SETBP1: variants seen among roughly 807,000 people sequenced by gnomAD.
SETBP1 encodes SET-binding protein.
SETBP1 carries 9 observed loss-of-function variants against 101.0 expected under a neutral mutation model. The observed-to-expected ratio is 0.09, with a 90% CI of 0.05 to 0.16. The LOEUF is 0.16. Ranked by LOEUF, SETBP1 falls within the 10% of genes least tolerant of loss-of-function variation. The probability of loss-of-function intolerance (pLI) is 1.00; values close to 1 mark genes in which losing one functional copy is unlikely to be tolerated. For synonymous variants in SETBP1, 818 were observed against 788.5 expected, an observed-to-expected ratio of 1.04 and a Z score of -0.63; for missense variants, 1,858 against 2,033.8, an observed-to-expected ratio of 0.91 and a Z score of 1.66.
intron 5 of SETBP1, among the ~76,000 whole-genome samples, chr18:45,050,361 C>G (rs1214719759): frequency 2.0e-5 from 3 of 152,176 alleles, no homozygotes; most frequent in Non-Finnish European, 4.4e-5. Flanking sequence ...TGTCCTCTTT[C>G]CCCTATCCAG....
At chr18:44,784,309 T>C (rs1370240122) in intron 2 of SETBP1, among the ~76,000 whole-genome samples, 2 of 152,334 alleles carry the variant, frequency 1.3e-5, no homozygotes, top group South Asian at 4.1e-4. Flanking sequence ...TTTAGCAAGG[T>C]TGGACAAAGG....
chr18:44,909,586 C>T (rs2144873057), intron 3 of SETBP1, among the ~76,000 whole-genome samples: 1 of 152,320 alleles, frequency 6.6e-6, no homozygotes, highest in East Asian at 1.9e-4. Flanking sequence ...TTTTTCTCTT[C>T]TCCTGTCCCA....
chr18:44,685,266 T>G (rs1374371525), intron 1 of SETBP1, among the ~76,000 whole-genome samples: 1 of 152,250 alleles, frequency 6.6e-6, no homozygotes, highest in Non-Finnish European at 1.5e-5. Flanking sequence ...GAAAAATGTT[T>G]CCTTGGTCCA....
chr18:44,742,792 A>G (rs921690145), intron 2 of SETBP1, among the ~76,000 whole-genome samples: 1 of 152,118 alleles, frequency 6.6e-6, no homozygotes, highest in African/African-American at 2.4e-5. Context: ...GAGTTGATCT[A>G]TCTGAACAGG....
intron 5 of SETBP1, among the ~76,000 whole-genome samples, chr18:45,045,119 TAAAAAA>T (rs879655921): frequency 7.1e-6 from 1 of 141,444 alleles, no homozygotes; most frequent in South Asian, 2.3e-4. Context: ...CCGTCTTTAC[TAAAAAA>T]AAAAATAAAA....
chr18:45,015,496 C>G (rs1200767787), intron 4 of SETBP1, among the ~76,000 whole-genome samples: 1 of 152,198 alleles, frequency 6.6e-6, no homozygotes, highest in South Asian at 2.1e-4. Flanking sequence ...TAAAATACAA[C>G]AGACATGCAC....
chr18:44,754,409 C>T lies in SETBP1; in HGVS notation c.486+52577C>T, dbSNP rs141135373. ...TGCTAAGTTGATTTTGGATTGGCAT[C>T]CCAGAATGTGGAGATTATTTCAAAT... On this transcript the variant is annotated intron_variant, in intron 2 of 5. Transcript: ENST00000649279. Among the ~76,000 whole-genome samples the T allele has an allele frequency of 2.4e-4, 37 of 152,238 alleles. 1 individual carries two copies. The highest frequency in any genetic ancestry group is 8.7e-4 in the African/African-American group (36 of 41,536).
rs562460484 is a variant in SETBP1 at position 44,711,094 on chromosome 18, G to C, written c.486+9262G>C. On this transcript the variant is annotated intron_variant, in intron 2 of 5. Coordinates refer to ENST00000649279, the MANE Select transcript of SETBP1 (RefSeq NM_015559.3). ...GGATCAGTGAGCCCCCGCTGCTGGG[G>C]GAGTGCAAGCTGAGGCCGCCATCTG... Among the ~76,000 whole-genome samples, 6 of 152,308 alleles carry C rather than the reference G, an allele frequency of 3.9e-5. No individual in the cohort carries two copies. The East Asian group carries it at 7.7e-4, about 20-fold the overall frequency.
intron 2 of SETBP1, among the ~76,000 whole-genome samples, chr18:44,724,926 T>C (rs552381382): frequency 3.9e-5 from 6 of 152,318 alleles, no homozygotes; most frequent in Admixed American, 3.9e-4. Context: ...AAGAATATTA[T>C]TAAATTACTG....
At chr18:44,724,466 GGTAA>G (rs1229147363) in intron 2 of SETBP1, among the ~76,000 whole-genome samples, 2 of 152,178 alleles carry the variant, frequency 1.3e-5, no homozygotes, top group African/African-American at 2.4e-5. Context: ...ACCAGAGATA[GGTAA>G]GTGAGAGTGG....
intron 4 of SETBP1, among the ~76,000 whole-genome samples, chr18:45,019,436 T>C (rs764350630): frequency 1.3e-5 from 2 of 152,236 alleles, no homozygotes; most frequent in Non-Finnish European, 2.9e-5. Flanking sequence ...TTAACATACA[T>C]TGACTCATGT....
At chr18:44,801,195 G>A (rs1212033214) in intron 2 of SETBP1, among the ~76,000 whole-genome samples, 1 of 152,070 alleles carries the variant, frequency 6.6e-6, no homozygotes, top group Non-Finnish European at 1.5e-5. Context: ...ACGAGTTAAT[G>A]GGTGCAGCAC....
chr18:44,830,045 T>C (rs1177966131), intron 2 of SETBP1, among the ~76,000 whole-genome samples: 1 of 152,226 alleles, frequency 6.6e-6, no homozygotes, highest in Non-Finnish European at 1.5e-5. Context: ...CTCATTCCTC[T>C]GCATGTTAGT....
rs1018470585 is a variant in SETBP1, at chr18:44,706,591, C to CAAAAAAA, written c.486+4788_486+4794dup. 2.1e-3 allele frequency among the ~76,000 whole-genome samples: 35 copies of CAAAAAAA among 16,974 alleles called. 6 individuals are homozygous for CAAAAAAA. The highest frequency in any genetic ancestry group is 3.5e-3 in the African/African-American group (15 of 4,228). The allele number at this position is 16,974 out of a possible 152,430, so 11.1% of individuals were successfully genotyped here. On this transcript the variant is annotated intron_variant, in intron 2 of 5. Transcript: ENST00000649279. The stretch of plus-strand genomic sequence containing the variant: ...TGGGTGACAGAATGAGACTCAATCT[C>CAAAAAAA]AAAAAAAAAAAAAAAAAAAAAAAAA...
At chr18:44,780,812 G>A (rs2071113443) in intron 2 of SETBP1, among the ~76,000 whole-genome samples, 1 of 152,224 alleles carries the variant, frequency 6.6e-6, no homozygotes, top group South Asian at 2.1e-4. Flanking sequence ...AGCACCCAGA[G>A]GGGCTGTCAC....
intron 4 of SETBP1, among the ~76,000 whole-genome samples, chr18:45,016,731 G>GCACACACACA (rs60965207): frequency 1.2e-4 from 15 of 122,752 alleles, no homozygotes; most frequent in Admixed American, 2.6e-4. Context: ...ATTGGTGCGC[G>GCACACACACA]CACACACACA....
chr18:44,860,801 A>G (rs1244338444), intron 2 of SETBP1, among the ~76,000 whole-genome samples: 1 of 152,028 alleles, frequency 6.6e-6, no homozygotes. Context: ...CCCATGAGTA[A>G]CTCATGCACA....
At chr18:44,919,354 T>TTC (rs2144923973) in intron 3 of SETBP1, among the ~76,000 whole-genome samples, 1 of 151,642 alleles carries the variant, frequency 6.6e-6, no homozygotes, top group East Asian at 1.9e-4. Flanking sequence ...CATCTTTTTT[T>TTC]TTTTTTTTTG....
rs146273065 is a variant in SETBP1 at position 44,897,203 on chromosome 18, A to T, written c.540+27920A>T. On this transcript the variant is annotated intron_variant, in intron 3 of 5. Transcript: ENST00000649279. Reference sequence around the variant, plus strand: ...TCCTTTGGGGGCCATTTGAAACCCAAATTGGTGAGGTGTGGCCCACAGTCT... The same window carrying T: ...TCCTTTGGGGGCCATTTGAAACCCATATTGGTGAGGTGTGGCCCACAGTCT... 2.7e-3 allele frequency among the ~76,000 whole-genome samples: 404 copies of T among 152,238 alleles called. 2 individuals are homozygous for T. The highest frequency in any genetic ancestry group is 4.3e-3 in the Non-Finnish European group (293 of 68,002).
Sources: allele counts gnomAD v4.1 joint callset (sites outside exome capture counted in the v4.1 genomes callset), GRCh38; gene constraint gnomAD v4.1.1; transcripts MANE v1.5; gene names NCBI Gene and HGNC (gene_info 2026-07-23, HGNC 2026-07-21).